SEMA6D: variants seen among roughly 807,000 people sequenced by gnomAD.
SEMA6D encodes the protein semaphorin 6D, also known as semaphorin-6D.
SEMA6D carries 35 observed loss-of-function variants against 106.6 expected under a neutral mutation model. The ratio of observed to expected loss-of-function variants is 0.33; its 90% CI spans 0.25 to 0.44. SEMA6D has a LOEUF of 0.44. Among genes scored for constraint, SEMA6D ranks in the 20% least tolerant of loss-of-function variants. The pLI, the probability that SEMA6D is intolerant of heterozygous loss-of-function variation, is 1.00. For synonymous variants in SEMA6D, 499 were observed against 487.7 expected (o/e 1.02, Z -0.31); for missense variants, 1,185 against 1,345.9 (o/e 0.88, Z 1.87).
At chr15:47,192,525 A>G (rs1280301520) in intron 1 of SEMA6D, among the ~76,000 whole-genome samples, 1 of 152,214 alleles carries the variant, frequency 6.6e-6, no homozygotes, top group Non-Finnish European at 1.5e-5. Flanking sequence ...AAAATTAGAA[A>G]CAATACATCT....
At chr15:47,281,183 C>G (rs992688365) in intron 1 of SEMA6D, among the ~76,000 whole-genome samples, 30 of 116,844 alleles carry the variant, frequency 2.6e-4, no homozygotes, top group Admixed American at 6.7e-4. Context: ...GTAGGTCACT[C>G]AGGACTTGCT....
chr15:47,210,466 A>G (rs193133254), intron 1 of SEMA6D, among the ~76,000 whole-genome samples: 703 of 151,660 alleles, frequency 4.6e-3, no homozygotes, highest in Admixed American at 9.2e-3. Flanking sequence ...TTTTTTTTTT[A>G]AGACATCTAT....
intron 1 of SEMA6D, among the ~76,000 whole-genome samples, chr15:47,404,955 G>A (rs546507253): frequency 1.3e-5 from 2 of 152,248 alleles, no homozygotes; most frequent in East Asian, 3.9e-4. Flanking sequence ...AGAGATGTGT[G>A]CAAGGTGTCA....
intron 4 of SEMA6D, among the ~76,000 whole-genome samples, chr15:47,614,680 A>G (rs2076973612): frequency 6.6e-6 from 1 of 152,160 alleles, no homozygotes; most frequent in African/African-American, 2.4e-5. Flanking sequence ...GTTCCCTAAG[A>G]GTTCCCACCC....
chr15:47,533,385 A>G (rs571296414), intron 3 of SEMA6D, among the ~76,000 whole-genome samples: 1 of 152,382 alleles, frequency 6.6e-6, no homozygotes, highest in East Asian at 1.9e-4. Flanking sequence ...AATTTAGCAC[A>G]GCATTTATCT....
At chr15:47,734,428 A>G (rs1215784089) in intron 1 of SEMA6D, among the ~76,000 whole-genome samples, 1 of 152,128 alleles carries the variant, frequency 6.6e-6, no homozygotes, top group African/African-American at 2.4e-5. Flanking sequence ...GCCATCTTCA[A>G]ATCCTTAATT....
intron 4 of SEMA6D, among the ~76,000 whole-genome samples, chr15:47,620,506 G>A (rs903774630): frequency 3.9e-5 from 6 of 152,142 alleles, no homozygotes; most frequent in African/African-American, 1.4e-4. Context: ...TGAACATGCA[G>A]CCTCTGGTGA....
chr15:47,272,942 G>A (rs2034623215), intron 1 of SEMA6D: 1 of 152,114 alleles, frequency 6.6e-6, no homozygotes, highest in African/African-American at 2.4e-5. Context: ...CCAAAGATTT[G>A]TCATCTAATT....
At chr15:47,523,681 A>G (rs1045696381) in intron 3 of SEMA6D, among the ~76,000 whole-genome samples, 2 of 152,144 alleles carry the variant, frequency 1.3e-5, no homozygotes, top group African/African-American at 4.8e-5. Context: ...AAAGCCTGGT[A>G]TTTGTGAGCA....
intron 4 of SEMA6D, among the ~76,000 whole-genome samples, chr15:47,661,354 T>G (rs1404157751): frequency 1.3e-5 from 2 of 152,166 alleles, no homozygotes; most frequent in Non-Finnish European, 2.9e-5. Flanking sequence ...TGATGTAATC[T>G]CTGCCTATGT....
intron 4 of SEMA6D, among the ~76,000 whole-genome samples, chr15:47,690,022 A>G (rs1415408891): frequency 6.6e-6 from 1 of 152,160 alleles, no homozygotes; most frequent in Admixed American, 6.5e-5. Context: ...AACCCCCTCC[A>G]TGGCCATCCG....
chr15:47,392,524 G>C (rs1404774678), intron 1 of SEMA6D, among the ~76,000 whole-genome samples: 3 of 132,012 alleles, frequency 2.3e-5, no homozygotes, highest in Non-Finnish European at 4.8e-5. Context: ...GAAGGTGAAA[G>C]ATTGCCAGAA....
chr15:47,733,674 G>A (rs1382035583), intron 1 of SEMA6D, among the ~76,000 whole-genome samples: 1 of 152,138 alleles, frequency 6.6e-6, no homozygotes, highest in African/African-American at 2.4e-5. Context: ...TTTCCTCACT[G>A]GAAAGTTAGG....
At chr15:47,607,855 C>T (rs977905768) in intron 4 of SEMA6D, among the ~76,000 whole-genome samples, 5 of 152,228 alleles carry the variant, frequency 3.3e-5, no homozygotes, top group African/African-American at 1.2e-4. Flanking sequence ...ATTCTGCAGA[C>T]AGGCAAAAGG....
chr15:47,674,855 C>A (rs1272647980), intron 4 of SEMA6D, among the ~76,000 whole-genome samples: 1 of 152,140 alleles, frequency 6.6e-6, no homozygotes, highest in Non-Finnish European at 1.5e-5. Context: ...ATTCACTGCG[C>A]ATCCGAATCC....
chr15:47,750,407 G>T (rs1218140365), intron 1 of SEMA6D, among the ~76,000 whole-genome samples: 1 of 152,152 alleles, frequency 6.6e-6, no homozygotes, highest in Non-Finnish European at 1.5e-5. Context: ...CCAGATTGGT[G>T]AAGTGACTTG....
At chr15:47,227,475 TC>T (rs2031794387) in intron 1 of SEMA6D, among the ~76,000 whole-genome samples, 3 of 82,478 alleles carry the variant, frequency 3.6e-5, no homozygotes, top group African/African-American at 1.5e-4. Flanking sequence ...TTTTTCTTTC[TC>T]TTTCTTTTTC....
chr15:47,684,191 A>G (rs755316188), intron 4 of SEMA6D, among the ~76,000 whole-genome samples: 1 of 151,870 alleles, frequency 6.6e-6, no homozygotes, highest in Non-Finnish European at 1.5e-5. Flanking sequence ...CATTATCTTC[A>G]TGTGGATTAT....
At chr15:47,240,655 C>T (rs977064192) in intron 1 of SEMA6D, among the ~76,000 whole-genome samples, 1 of 152,122 alleles carries the variant, frequency 6.6e-6, no homozygotes, top group African/African-American at 2.4e-5. Flanking sequence ...TACTCTAATG[C>T]TGTTGAATAT....
Sources: gnomAD v4.1 joint callset for allele counts (sites outside exome capture counted in the v4.1 genomes callset) on GRCh38, gnomAD v4.1.1 for gene constraint, MANE v1.5 for transcripts, NCBI Gene and HGNC (gene_info 2026-07-23, HGNC 2026-07-21) for gene names.